The following DHRSX variants were observed in gnomAD, a reference collection of about 807,000 sequenced individuals.
DHRSX encodes dehydrogenase/reductase X-linked, also known as polyprenol dehydrogenase.
Under a neutral mutation model 34.0 loss-of-function variants are expected in DHRSX, and 31 were observed. That is an observed-to-expected ratio of 0.91 (90% CI 0.69 to 1.23). The LOEUF (loss-of-function observed/expected upper bound fraction) is 1.23, where lower values mean the gene tolerates loss of function less well. Among genes scored for constraint, DHRSX ranks in the 50% most tolerant of loss-of-function variants. The pLI, the probability that DHRSX is intolerant of heterozygous loss-of-function variation, is 0.00. For synonymous variants in DHRSX, 201 were observed against 183.8 expected (o/e 1.09, Z -0.76); for missense variants, 414 against 428.1 (o/e 0.97, Z 0.29).
chrX:2,330,354 C>T (rs1008668832), intron 3 of DHRSX, among the ~76,000 whole-genome samples: 2 of 151,580 alleles, frequency 1.3e-5, no homozygotes, highest in Non-Finnish European at 1.5e-5. Flanking sequence ...AACCCCATCT[C>T]TACTAAAAAT....
chrX:2,413,110 G>A (rs1392956400), intron 2 of DHRSX, among the ~76,000 whole-genome samples: 8 of 152,046 alleles, frequency 5.3e-5, no homozygotes, highest in Non-Finnish European at 7.4e-5. Context: ...CAGGAGAATC[G>A]CTTGAACCCA....
intron 3 of DHRSX, among the ~76,000 whole-genome samples, chrX:2,377,736 A>T (rs1156572155): frequency 6.7e-6 from 1 of 149,878 alleles, no homozygotes; most frequent in East Asian, 2.0e-4. Flanking sequence ...CAGTGTGCAC[A>T]CAATACTTTT....
intron 6 of DHRSX, among the ~76,000 whole-genome samples, chrX:2,235,165 C>T (rs1049689651): frequency 2.6e-5 from 4 of 152,220 alleles, no homozygotes; most frequent in African/African-American, 9.6e-5. Flanking sequence ...TCCTAACAAA[C>T]AACTCAGATA....
intron 3 of DHRSX, among the ~76,000 whole-genome samples, chrX:2,331,300 C>G (rs917611424): frequency 6.6e-6 from 1 of 152,026 alleles, no homozygotes; most frequent in Non-Finnish European, 1.5e-5. Context: ...TCTTGAACCC[C>G]CTCAATGTCA....
intron 2 of DHRSX, among the ~76,000 whole-genome samples, chrX:2,424,031 CTG>C (rs2043812959): frequency 6.6e-6 from 1 of 152,140 alleles, no homozygotes. Context: ...CAGAATGTGA[CTG>C]TGTTTGGAAA....
chrX:2,436,933 AC>A (rs1012406413), intron 1 of DHRSX, among the ~76,000 whole-genome samples: 3 of 151,994 alleles, frequency 2.0e-5, no homozygotes, highest in African/African-American at 7.2e-5. Context: ...TACAGACCCC[AC>A]CGTCATCTCC....
chrX:2,475,867 T>A (rs1192730227), intron 1 of DHRSX, among the ~76,000 whole-genome samples: 1 of 152,170 alleles, frequency 6.6e-6, no homozygotes, highest in Non-Finnish European at 1.5e-5. Context: ...CAAACCCAGC[T>A]AGGAGAGCCA....
intron 1 of DHRSX, among the ~76,000 whole-genome samples, chrX:2,494,126 C>CTATTAT (rs769646009): frequency 1.3e-5 from 2 of 151,232 alleles, no homozygotes; most frequent in Non-Finnish European, 2.9e-5. Flanking sequence ...CATCCATATT[C>CTATTAT]TATTATTATT....
chrX:2,259,075 T>C (rs1336843455), intron 5 of DHRSX, among the ~76,000 whole-genome samples: 3 of 151,916 alleles, frequency 2.0e-5, no homozygotes, highest in Non-Finnish European at 2.9e-5. Context: ...GAGATGGAGA[T>C]CATCCTGGCC....
intron 3 of DHRSX, among the ~76,000 whole-genome samples, chrX:2,321,033 G>T (rs2042304935): frequency 6.6e-6 from 1 of 152,112 alleles, no homozygotes; most frequent in South Asian, 2.1e-4. Flanking sequence ...GATAGCTTCT[G>T]TGCCACTTCA....
chrX:2,490,838 G>A, intron 1 of DHRSX: 5 of 1,405,972 alleles, frequency 3.6e-6, no homozygotes, highest in Non-Finnish European at 4.8e-6. Flanking sequence ...CCCTGCCGGG[G>A]AGACAGACAG....
At chrX:2,283,732 CTCATTAGAAT>C (rs1171290452) in intron 4 of DHRSX, among the ~76,000 whole-genome samples, 2 of 152,214 alleles carry the variant, frequency 1.3e-5, no homozygotes. Context: ...TTTGAATGAA[CTCATTAGAAT>C]TCATTCATTC....
chrX:2,309,211 G>A (rs1921757976), intron 3 of DHRSX, among the ~76,000 whole-genome samples: 1 of 151,984 alleles, frequency 6.6e-6, no homozygotes, highest in Non-Finnish European at 1.5e-5. Flanking sequence ...GAGTGCAGAG[G>A]GTATTTTAGA....
intron 3 of DHRSX, among the ~76,000 whole-genome samples, chrX:2,301,539 T>C (rs2042009236): frequency 6.6e-6 from 1 of 152,194 alleles, no homozygotes; most frequent in Non-Finnish European, 1.5e-5. Context: ...GGAGCAGAGA[T>C]GAGAGGGATG....
intron 3 of DHRSX, among the ~76,000 whole-genome samples, chrX:2,293,306 GA>G (rs2041890261): frequency 6.8e-6 from 1 of 147,344 alleles, no homozygotes; most frequent in Non-Finnish European, 1.5e-5. Flanking sequence ...AGAGGAACTA[GA>G]AAGAAAAGCA....
chrX:2,353,764 T>C (rs1290469769), intron 3 of DHRSX, among the ~76,000 whole-genome samples: 1 of 145,940 alleles, frequency 6.9e-6, no homozygotes, highest in Non-Finnish European at 1.5e-5. Context: ...TGTTTTTTTT[T>C]AGTAGAGATG....
At chrX:2,333,520 T>G (rs1184151832) in intron 3 of DHRSX, among the ~76,000 whole-genome samples, 1 of 152,122 alleles carries the variant, frequency 6.6e-6, no homozygotes, top group Non-Finnish European at 1.5e-5. Flanking sequence ...GTTCAAGTGA[T>G]TCTTGTGCCT....
chrX:2,489,401 T>C, intron 1 of DHRSX: 1 of 1,613,570 alleles, frequency 6.2e-7, no homozygotes, highest in Non-Finnish European at 8.5e-7. Flanking sequence ...CTCCTTGGAG[T>C]CGGTCTCCTT....
At chrX:2,371,536 AGTCC>A (rs200807349) in intron 3 of DHRSX, among the ~76,000 whole-genome samples, 1,488 of 77,036 alleles carry the variant, frequency 0.019, 31 homozygotes, top group African/African-American at 0.042. Flanking sequence ...CCGTTACCAT[AGTCC>A]GTCCTTCTGT....
Sources: allele counts gnomAD v4.1 joint callset (sites outside exome capture counted in the v4.1 genomes callset), GRCh38; gene constraint gnomAD v4.1.1; transcripts MANE v1.5; gene names NCBI Gene and HGNC (gene_info 2026-07-23, HGNC 2026-07-21).